The following SMARCAD1 variants were observed in gnomAD, a reference collection of about 807,000 sequenced individuals.
SMARCAD1 encodes the protein SNF2 related chromatin remodeling ATPase with DExD box 1, also known as SWI/SNF-related matrix-associated actin-dependent regulator of chromatin subfamily A containing DEAD/H box 1.
In SMARCAD1, 25 loss-of-function variants were observed where a neutral mutation model predicts 127.1. That is an observed-to-expected ratio of 0.20 (90% CI 0.14 to 0.27). The LOEUF (loss-of-function observed/expected upper bound fraction) is 0.27, where lower values mean the gene tolerates loss of function less well. Among genes scored for constraint, SMARCAD1 ranks in the 10% least tolerant of loss-of-function variants. The pLI is 1.00. For missense variants in SMARCAD1, 807 were observed against 1,206.0 expected (o/e 0.67, Z 4.90); for synonymous variants, 400 against 396.9 (o/e 1.01, Z -0.09).
At chr4:94,280,533 C>G (rs2125997847) in intron 19 of SMARCAD1, 59 bp from the exon 20 acceptor site, 42 of 1,391,200 alleles carry the variant, frequency 3.0e-5, no homozygotes, top group Non-Finnish European at 3.7e-5. Flanking sequence ...TTAAACTTTT[C>G]TCATCATATT....
chr4:94,276,495 T>G, intron 15 of SMARCAD1, 21 bp downstream of exon 15: 9 of 1,613,456 alleles, frequency 5.6e-6, no homozygotes, highest in Non-Finnish European at 7.6e-6. Context: ...GTTTGTAAAG[T>G]TTTCCAAATT....
intron 3 of SMARCAD1, among the ~76,000 whole-genome samples, chr4:94,231,791 A>T (rs9992255): frequency 0.14 from 21,324 of 151,074 alleles, 1,734 homozygotes; most frequent in Non-Finnish European, 0.18. Flanking sequence ...GTTAATCTAG[A>T]ATGGGCCACT....
intron 3 of SMARCAD1, among the ~76,000 whole-genome samples, chr4:94,227,340 A>G (rs1745183552): frequency 6.6e-6 from 1 of 152,164 alleles, no homozygotes; most frequent in Non-Finnish European, 1.5e-5. Flanking sequence ...CTAGGAGAAT[A>G]TTGAACAGAG....
chr4:94,226,507 A>ATT (rs60198579), intron 3 of SMARCAD1, among the ~76,000 whole-genome samples: 215 of 112,974 alleles, frequency 1.9e-3, no homozygotes, highest in African/African-American at 6.2e-3. Flanking sequence ...GATAACAGTG[A>ATT]TTTTTTTTTT....
intron 3 of SMARCAD1, among the ~76,000 whole-genome samples, chr4:94,230,428 G>A (rs549624230): frequency 6.6e-6 from 1 of 152,138 alleles, no homozygotes; most frequent in Admixed American, 6.6e-5. Context: ...CAACTCCATA[G>A]TACTACATTG....
intron 2 of SMARCAD1, among the ~76,000 whole-genome samples, chr4:94,216,625 T>C (rs1159860677): frequency 6.6e-6 from 1 of 152,206 alleles, no homozygotes; most frequent in East Asian, 1.9e-4. Flanking sequence ...TCATTTCTGA[T>C]TCCCCCAGCC....
At chr4:94,263,219 C>A (rs1751272972) in intron 9 of SMARCAD1, among the ~76,000 whole-genome samples, 1 of 152,118 alleles carries the variant, frequency 6.6e-6, no homozygotes, top group African/African-American at 2.4e-5. Flanking sequence ...GGGTTTCTCT[C>A]ACATTTCAAT....
chr4:94,221,347 G>A (rs1031888274), intron 2 of SMARCAD1, among the ~76,000 whole-genome samples: 3 of 152,144 alleles, frequency 2.0e-5, no homozygotes, highest in South Asian at 2.1e-4. Flanking sequence ...CGGTTTTAAC[G>A]TAATAGAATG....
intron 2 of SMARCAD1, among the ~76,000 whole-genome samples, chr4:94,223,225 T>C (rs1390931960): frequency 1.3e-5 from 2 of 152,052 alleles, no homozygotes; most frequent in East Asian, 3.9e-4. Context: ...CCGGGCGTGG[T>C]AGCTCACATC....
At chr4:94,237,459 A>G (rs2883) in intron 5 of SMARCAD1, among the ~76,000 whole-genome samples, 6 of 150,880 alleles carry the variant, frequency 4.0e-5, no homozygotes, top group African/African-American at 1.5e-4. Flanking sequence ...TCCAGTTTTT[A>G]AATAAATGCT....
At position 94,213,398 on chromosome 4, in the gene SMARCAD1, T is replaced by A. The variant is rs1458677363; in HGVS notation, c.190+4814T>A. 2.6e-5 allele frequency among the ~76,000 whole-genome samples: 4 copies of A among 152,084 alleles called. No homozygotes were observed. In the East Asian group the frequency reaches 7.7e-4, roughly 29 times the overall value. On this transcript the variant is annotated intron_variant, in intron 2 of 23. Transcript: ENST00000354268. ...ATATGTTGCCTCCAAGAGTCTAATA[T>A]GTGTGTGGAGGGTTGGGGGCAGATT...
chr4:94,253,916 CTT>C (rs1749671168), intron 9 of SMARCAD1, among the ~76,000 whole-genome samples: 1 of 152,044 alleles, frequency 6.6e-6, no homozygotes, highest in Non-Finnish European at 1.5e-5. Context: ...TGCAGCGACT[CTT>C]GATGCTTTAT....
intron 9 of SMARCAD1, chr4:94,253,550 T>TG: frequency 9.1e-7 from 1 of 1,101,616 alleles, no homozygotes; most frequent in Non-Finnish European, 1.1e-6. Flanking sequence ...ATGTTTTTGT[T>TG]GGTTAAGCAA....
intron 2 of SMARCAD1, chr4:94,213,048 A>G: frequency 7.8e-7 from 1 of 1,282,912 alleles, no homozygotes. Flanking sequence ...GTTTGGAGGG[A>G]TTGAAATAAT....
chr4:94,245,866 T>C (rs1489665317), intron 6 of SMARCAD1, among the ~76,000 whole-genome samples: 1 of 152,194 alleles, frequency 6.6e-6, no homozygotes, highest in African/African-American at 2.4e-5. Flanking sequence ...TTTTTGGAAA[T>C]ATATGTGTCA....
At chr4:94,239,562 GT>G (rs5860361) in intron 5 of SMARCAD1, among the ~76,000 whole-genome samples, 51 of 142,808 alleles carry the variant, frequency 3.6e-4, no homozygotes, top group African/African-American at 4.9e-4. Context: ...GCCCTGTTGT[GT>G]TTTTTTTTTT....
At chr4:94,224,578 C>A (rs965780153) in intron 2 of SMARCAD1, among the ~76,000 whole-genome samples, 2 of 150,392 alleles carry the variant, frequency 1.3e-5, no homozygotes, top group African/African-American at 4.9e-5. Context: ...CAAAAGATTT[C>A]AGATTTTAGA....
At chr4:94,273,948 C>A (rs1413932242) in intron 12 of SMARCAD1, among the ~76,000 whole-genome samples, 1 of 151,988 alleles carries the variant, frequency 6.6e-6, no homozygotes, top group Non-Finnish European at 1.5e-5. Flanking sequence ...AAATTTTAGA[C>A]CAAGGACGAT....
intron 9 of SMARCAD1, among the ~76,000 whole-genome samples, chr4:94,261,028 C>A (rs992436091): frequency 3.3e-5 from 5 of 151,548 alleles, no homozygotes; most frequent in Admixed American, 6.6e-5. Context: ...TGTTCAGTGG[C>A]AGAAAATATG....
Sources: allele counts gnomAD v4.1 joint callset (sites outside exome capture counted in the v4.1 genomes callset), GRCh38; gene constraint gnomAD v4.1.1; transcripts MANE v1.5; gene names NCBI Gene and HGNC (gene_info 2026-07-23, HGNC 2026-07-21).